PHACTR1: variants seen among roughly 807,000 people sequenced by gnomAD.
PHACTR1 encodes RPEL repeat containing 1.
PHACTR1 carries 16 observed loss-of-function variants against 69.2 expected under a neutral mutation model. The ratio of observed to expected loss-of-function variants is 0.23; its 90% CI spans 0.16 to 0.35. The LOEUF is 0.35. Ranked by LOEUF, PHACTR1 falls within the 10% of genes least tolerant of loss-of-function variation. The probability of loss-of-function intolerance (pLI) is 1.00; values close to 1 mark genes in which losing one functional copy is unlikely to be tolerated. For missense variants in PHACTR1, 510 were observed against 734.7 expected, an observed-to-expected ratio of 0.69 and a Z score of 3.54; for synonymous variants, 312 against 284.5, an observed-to-expected ratio of 1.10 and a Z score of -0.97.
chr6:12,922,757 T>G (rs1787859505), intron 4 of PHACTR1, among the ~76,000 whole-genome samples: 1 of 152,180 alleles, frequency 6.6e-6, no homozygotes, highest in South Asian at 2.1e-4. Context: ...ACTTACTAGT[T>G]GCTTACTAAT....
intron 3 of PHACTR1, among the ~76,000 whole-genome samples, chr6:12,727,620 A>C (rs77309703): frequency 0.013 from 2,026 of 152,270 alleles, 38 homozygotes; most frequent in South Asian, 0.067. Context: ...ACCACACATG[A>C]GAGGCAGCCC....
intron 3 of PHACTR1, among the ~76,000 whole-genome samples, chr6:12,725,615 C>G (rs537394545): frequency 6.6e-6 from 1 of 152,166 alleles, no homozygotes. Context: ...GCTCTGAATC[C>G]GCAGGAGACT....
intron 4 of PHACTR1, among the ~76,000 whole-genome samples, chr6:12,841,346 G>A (rs1778683406): frequency 6.6e-6 from 1 of 152,108 alleles, no homozygotes. Context: ...CTTAAAGAGT[G>A]TGCCTCTACC....
intron 4 of PHACTR1, among the ~76,000 whole-genome samples, chr6:12,838,978 T>C (rs1331900419): frequency 6.6e-6 from 1 of 152,182 alleles, no homozygotes; most frequent in Non-Finnish European, 1.5e-5. Context: ...CTAGCTAATA[T>C]TTACTGTGTA....
intron 4 of PHACTR1, among the ~76,000 whole-genome samples, chr6:12,977,224 T>A (rs1794993874): frequency 6.6e-6 from 1 of 152,156 alleles, no homozygotes; most frequent in African/African-American, 2.4e-5. Flanking sequence ...AGTTCTAGGA[T>A]TACAGGCTTG....
At chr6:12,724,318 C>T (rs1762514259) in intron 3 of PHACTR1, among the ~76,000 whole-genome samples, 1 of 152,058 alleles carries the variant, frequency 6.6e-6, no homozygotes, top group Admixed American at 6.5e-5. Context: ...CAGAGCGAGA[C>T]TCCATCTCAA....
intron 4 of PHACTR1, among the ~76,000 whole-genome samples, chr6:12,894,537 G>A (rs765681920): frequency 2.0e-5 from 3 of 152,218 alleles, no homozygotes; most frequent in African/African-American, 4.8e-5. Flanking sequence ...CTGGCAAGGC[G>A]GATGTAGCAG....
intron 4 of PHACTR1, among the ~76,000 whole-genome samples, chr6:13,025,709 G>GTGTC (rs1001399090): frequency 1.3e-5 from 2 of 151,098 alleles, no homozygotes; most frequent in African/African-American, 4.9e-5. Context: ...GTGTGTGTGT[G>GTGTC]TCTGTGTGTA....
At chr6:13,202,162 T>C (rs1258258190) in intron 7 of PHACTR1, among the ~76,000 whole-genome samples, 1 of 152,212 alleles carries the variant, frequency 6.6e-6, no homozygotes, top group Non-Finnish European at 1.5e-5. Flanking sequence ...CCTGTTTCCA[T>C]AGAATTGCTG....
chr6:13,255,958 G>C (rs1000673533), intron 10 of PHACTR1, among the ~76,000 whole-genome samples: 1 of 152,218 alleles, frequency 6.6e-6, no homozygotes, highest in Non-Finnish European at 1.5e-5. Flanking sequence ...GACTCTGTGG[G>C]GGGGGCTCCA....
intron 4 of PHACTR1, among the ~76,000 whole-genome samples, chr6:12,874,610 C>T (rs1019942362): frequency 1.3e-5 from 2 of 152,124 alleles, no homozygotes; most frequent in African/African-American, 4.8e-5. Context: ...TCATCCCCAT[C>T]GAGCCACCAC....
chr6:12,898,893 C>T (rs958429824), intron 4 of PHACTR1, among the ~76,000 whole-genome samples: 4 of 152,206 alleles, frequency 2.6e-5, no homozygotes. Flanking sequence ...CCAGTACTTG[C>T]AGTTCCTTCA....
Position 12,774,062 on chromosome 6 carries a change from G to T in PHACTR1, c.250+24272G>T, listed in dbSNP as rs559256260. On this transcript the variant is annotated intron_variant, in intron 4 of 14. Transcript: ENST00000332995. The stretch of plus-strand genomic sequence containing the variant: ...AGAGAGTAAGATGGGTACAAATAAA[G>T]GTGTTCAACTGGAAGGTCACAGAGT... Among the ~76,000 whole-genome samples, 72 of 152,244 alleles carry T rather than the reference G, an allele frequency of 4.7e-4. 1 individual carries two copies. The highest frequency in any genetic ancestry group is 4.4e-5 in the Non-Finnish European group (3 of 67,994).
At chr6:13,217,636 A>G (rs1334467390) in intron 8 of PHACTR1, among the ~76,000 whole-genome samples, 6 of 152,198 alleles carry the variant, frequency 3.9e-5, no homozygotes, top group Non-Finnish European at 5.9e-5. Flanking sequence ...AAAACTCAAA[A>G]TACATTTTCT....
chr6:12,816,690 C>T (rs1775628660), intron 4 of PHACTR1, among the ~76,000 whole-genome samples: 1 of 152,198 alleles, frequency 6.6e-6, no homozygotes, highest in Non-Finnish European at 1.5e-5. Flanking sequence ...GGAAGACAGG[C>T]TTTGATTTTT....
chr6:12,951,589 G>A (rs982466497), intron 4 of PHACTR1, among the ~76,000 whole-genome samples: 1 of 152,232 alleles, frequency 6.6e-6, no homozygotes, highest in African/African-American at 2.4e-5. Context: ...AAGCCAGGCA[G>A]TGATGGCCAA....
chr6:13,181,530 C>G (rs2113714111), intron 6 of PHACTR1, among the ~76,000 whole-genome samples: 1 of 152,304 alleles, frequency 6.6e-6, no homozygotes, highest in East Asian at 1.9e-4. Context: ...TGAAATCACA[C>G]AGGGGGAATT....
intron 4 of PHACTR1, among the ~76,000 whole-genome samples, chr6:13,004,995 T>C (rs1798607380): frequency 1.3e-5 from 2 of 151,706 alleles, no homozygotes; most frequent in South Asian, 4.1e-4. Flanking sequence ...TTTCTTATTC[T>C]TTAAATATAT....
intron 4 of PHACTR1, among the ~76,000 whole-genome samples, chr6:12,784,156 C>A (rs903206286): frequency 4.6e-5 from 7 of 151,898 alleles, no homozygotes; most frequent in African/African-American, 1.7e-4. Flanking sequence ...TATCTATACA[C>A]ATATACTTGA....
Sources: allele counts gnomAD v4.1 joint callset (sites outside exome capture counted in the v4.1 genomes callset), GRCh38; gene constraint gnomAD v4.1.1; transcripts MANE v1.5; gene names NCBI Gene and HGNC (gene_info 2026-07-23, HGNC 2026-07-21).